Variants in LZTS1 observed in about 807,000 individuals in gnomAD.
The protein encoded by LZTS1 is leucine zipper tumor suppressor 1.
In LZTS1, 31 loss-of-function variants were observed where a neutral mutation model predicts 45.8. The ratio of observed to expected loss-of-function variants is 0.68; its 90% CI spans 0.51 to 0.91. The LOEUF is 0.91. Among genes scored for constraint, LZTS1 ranks in the 40% least tolerant of loss-of-function variants. LZTS1 has a pLI of 0.00. For missense variants in LZTS1, 821 were observed against 788.9 expected, an observed-to-expected ratio of 1.04 and a Z score of -0.49; for synonymous variants, 359 against 357.3, an observed-to-expected ratio of 1.00 and a Z score of -0.05.
chr8:20,250,248 G>C lies in LZTS1; in HGVS notation c.1265C>G (p.Thr422Arg), dbSNP rs370068074. 3.7e-6 allele frequency: 6 copies of C among 1,613,558 alleles called. No individual in the cohort carries two copies. The African/African-American group carries it at 6.7e-5, about 18-fold the overall frequency. The change falls in exon 4 of 4, where the codon ACG becomes AGG. Residue 422 changes from threonine (T) to arginine (R), a missense_variant. Coordinates refer to ENST00000381569, the MANE Select transcript of LZTS1 (RefSeq NM_021020.5). ...ILGLKAQLKD[T>R]RGKLEGLELR... is the part of the protein sequence containing the mutation. Reference sequence around the variant, plus strand: ...CTCCAGGCCCTCCAGCTTGCCCCGCGTGTCCTTCAGCTGTGCCTTGAGACC... The same window carrying C: ...CTCCAGGCCCTCCAGCTTGCCCCGCCTGTCCTTCAGCTGTGCCTTGAGACC...
intron 1 of LZTS1, among the ~76,000 whole-genome samples, chr8:20,282,573 C>T (rs1238851016): frequency 2.0e-5 from 3 of 152,162 alleles, no homozygotes; most frequent in Admixed American, 6.5e-5. Flanking sequence ...TTTTTCCTTT[C>T]GCATTTAAGT....
intron 1 of LZTS1, among the ~76,000 whole-genome samples, chr8:20,286,961 G>A (rs1010154961): frequency 1.3e-5 from 2 of 152,156 alleles, no homozygotes; most frequent in African/African-American, 2.4e-5. Flanking sequence ...AGGGGTTTCC[G>A]GGGGGTACTT....
intron 1 of LZTS1, among the ~76,000 whole-genome samples, chr8:20,288,298 AC>A (rs1800832197): frequency 1.3e-5 from 2 of 152,180 alleles, no homozygotes; most frequent in Admixed American, 1.3e-4. Flanking sequence ...CCAGCATCCC[AC>A]GTCTCAGGAA....
intron 1 of LZTS1, among the ~76,000 whole-genome samples, chr8:20,266,514 G>A (rs1401937097): frequency 6.6e-6 from 1 of 151,984 alleles, no homozygotes; most frequent in African/African-American, 2.4e-5. Context: ...CATTCATCAT[G>A]TAGACTTTGA....
At chr8:20,260,407 C>G (rs1229137683) in intron 1 of LZTS1, among the ~76,000 whole-genome samples, 1 of 152,206 alleles carries the variant, frequency 6.6e-6, no homozygotes, top group African/African-American at 2.4e-5. Context: ...AAGGCACAGA[C>G]TCACAAGGTG....
chr8:20,254,013 C>T (rs896941665), intron 2 of LZTS1, among the ~76,000 whole-genome samples: 10 of 152,158 alleles, frequency 6.6e-5, no homozygotes, highest in African/African-American at 4.8e-5. Context: ...ACCTGGCCTC[C>T]TTACAGGGTT....
rs1439561957 is a variant in LZTS1 at position 20,248,518 on chromosome 8, T to C, written c.*1204A>G. The C allele has an allele frequency of 1.3e-5, 2 of 152,452 alleles. No homozygotes were observed. The highest frequency in any genetic ancestry group is 3.9e-4 in the East Asian group (2 of 5,182). 9.4% of individuals were successfully genotyped at this position (152,452 alleles called of 1,614,324 possible). Reference sequence around the variant, plus strand: ...TGGGGGTCTTGAGGTGGAGGGAGGATGGCTGGTGGCCAGGCTATTCACACT... The same window carrying C: ...TGGGGGTCTTGAGGTGGAGGGAGGACGGCTGGTGGCCAGGCTATTCACACT... On this transcript the variant is annotated 3_prime_UTR_variant, in exon 4 of 4. Coordinates refer to ENST00000381569, the MANE Select transcript of LZTS1 (RefSeq NM_021020.5).
At chr8:20,278,958 G>C (rs1585295928) in intron 1 of LZTS1, among the ~76,000 whole-genome samples, 2 of 152,264 alleles carry the variant, frequency 1.3e-5, no homozygotes, top group Middle Eastern at 6.8e-3. Flanking sequence ...CCAATTGCCA[G>C]TTTTATTTGT....
At chr8:20,285,838 T>C (rs1042647434) in intron 1 of LZTS1, among the ~76,000 whole-genome samples, 1 of 152,188 alleles carries the variant, frequency 6.6e-6, no homozygotes, top group Non-Finnish European at 1.5e-5. Context: ...AATTGACCAA[T>C]GGAACCAAAT....
At chr8:20,295,481 G>T (rs1431534538) in intron 1 of LZTS1, among the ~76,000 whole-genome samples, 5 of 152,206 alleles carry the variant, frequency 3.3e-5, no homozygotes, top group African/African-American at 1.2e-4. Context: ...TGGCTGGGTA[G>T]AAAGAAGCAC....
At position 20,300,765 on chromosome 8, in the gene LZTS1, G is replaced by A. The variant is rs1585307485; in HGVS notation, c.-135+2975C>T. 2.0e-5 allele frequency among the ~76,000 whole-genome samples: 3 copies of A among 152,130 alleles called. No homozygotes were observed. In the South Asian group the frequency reaches 6.2e-4, roughly 32 times the overall value. On this transcript the variant is annotated intron_variant, in intron 1 of 3. Transcript: ENST00000381569. ...GGTAGGGACTCTGAGGAAGGTACCTGACTCAGAATTGAGGAAAAAACAGAG... is the reference window on the plus strand; with the variant it reads ...GGTAGGGACTCTGAGGAAGGTACCTAACTCAGAATTGAGGAAAAAACAGAG...
intron 1 of LZTS1, among the ~76,000 whole-genome samples, chr8:20,284,384 G>C (rs1376218539): frequency 6.6e-6 from 1 of 152,198 alleles, no homozygotes; most frequent in Non-Finnish European, 1.5e-5. Context: ...GAGCACAGCT[G>C]CCCTTCTGAA....
Position 20,250,341 on chromosome 8 carries a change from A to G in LZTS1, c.1172T>C (p.Ile391Thr). ...QWEVCQKSGE[I>T]SLLKQQLKES... is the part of the protein sequence containing the mutation. ...CTTCAGCTGCTGCTTCAGGAGGGAGATCTCGCCTGACTTCTGGCACACCTG... is the reference window on the plus strand; with the variant it reads ...CTTCAGCTGCTGCTTCAGGAGGGAGGTCTCGCCTGACTTCTGGCACACCTG... The change falls in exon 4 of 4, where the codon ATC (isoleucine) becomes ACC (threonine). Residue 391 changes from isoleucine to threonine, a missense_variant. Coordinates refer to ENST00000381569, the MANE Select transcript of LZTS1 (RefSeq NM_021020.5). 1.2e-6 allele frequency: 2 copies of G among 1,606,186 alleles called. No homozygotes were observed. Among genetic ancestry groups the G allele is most frequent in the Non-Finnish European group, 1.7e-6 (2 of 1,175,072 alleles).
At chr8:20,250,393 C>G (rs1215771712) in intron 3 of LZTS1, 30 bp from the exon 4 acceptor site, 1 of 1,552,078 alleles carries the variant, frequency 6.4e-7, no homozygotes, top group Admixed American at 1.8e-5. Flanking sequence ...GACAGAGTGC[C>G]AAGAGGTGAG....
At chr8:20,262,907 C>T (rs756723355) in intron 1 of LZTS1, among the ~76,000 whole-genome samples, 3 of 152,138 alleles carry the variant, frequency 2.0e-5, no homozygotes, top group Non-Finnish European at 4.4e-5. Context: ...GTCACTGATT[C>T]AGTGTGACCG....
intron 1 of LZTS1, among the ~76,000 whole-genome samples, chr8:20,259,392 G>A (rs1248417312): frequency 6.6e-6 from 1 of 152,178 alleles, no homozygotes; most frequent in Non-Finnish European, 1.5e-5. Context: ...CAGTGCATCG[G>A]TGCTAAATGA....
chr8:20,292,373 C>G (rs540820494), intron 1 of LZTS1, among the ~76,000 whole-genome samples: 1 of 152,338 alleles, frequency 6.6e-6, no homozygotes, highest in East Asian at 1.9e-4. Flanking sequence ...CTGACTGGCA[C>G]CCAGCAACCC....
chr8:20,285,743 T>C (rs1052574178), intron 1 of LZTS1, among the ~76,000 whole-genome samples: 2 of 152,172 alleles, frequency 1.3e-5, no homozygotes, highest in Non-Finnish European at 2.9e-5. Flanking sequence ...GACCATTTGG[T>C]GAAGAACTAA....
At chr8:20,285,022 C>T (rs1241215155) in intron 1 of LZTS1, among the ~76,000 whole-genome samples, 1 of 152,184 alleles carries the variant, frequency 6.6e-6, no homozygotes, top group African/African-American at 2.4e-5. Context: ...TTCCTTATCT[C>T]TGAAAACGAC....
Sources: allele counts gnomAD v4.1 joint callset (sites outside exome capture counted in the v4.1 genomes callset), GRCh38; gene constraint gnomAD v4.1.1; transcripts MANE v1.5; gene names NCBI Gene and HGNC (gene_info 2026-07-23, HGNC 2026-07-21).